The following RPS6KA2 variants were observed in gnomAD, a reference collection of about 807,000 sequenced individuals.
RPS6KA2 encodes the protein ribosomal protein S6 kinase A2.
In RPS6KA2, 42 loss-of-function variants were observed where a neutral mutation model predicts 91.8. That is an observed-to-expected ratio of 0.46 (90% confidence interval 0.36 to 0.59). RPS6KA2 has a LOEUF of 0.59. Among genes scored for constraint, RPS6KA2 ranks in the 20% least tolerant of loss-of-function variants. RPS6KA2 has a pLI of 0.00. For synonymous variants in RPS6KA2, 414 were observed against 393.6 expected (o/e 1.05, Z -0.61); for missense variants, 798 against 978.5 (o/e 0.82, Z 2.46).
At chr6:166,597,888 C>G (rs765657630) in intron 1 of RPS6KA2, among the ~76,000 whole-genome samples, 9 of 152,134 alleles carry the variant, frequency 5.9e-5, no homozygotes, top group African/African-American at 2.2e-4. Context: ...AGCCGGGCAC[C>G]GTGCTATTGT....
chr6:166,575,069 C>A (rs1784798599), intron 1 of RPS6KA2, among the ~76,000 whole-genome samples: 1 of 152,202 alleles, frequency 6.6e-6, no homozygotes, highest in African/African-American at 2.4e-5. Flanking sequence ...GCAGAAGAAA[C>A]TGACTGCCCC....
intron 5 of RPS6KA2, among the ~76,000 whole-genome samples, chr6:166,507,538 T>C (rs373226612): frequency 7.0e-6 from 1 of 143,506 alleles, no homozygotes; most frequent in African/African-American, 2.6e-5. Context: ...ACATACCACA[T>C]ATAGCACACA....
intron 1 of RPS6KA2, among the ~76,000 whole-genome samples, chr6:166,621,896 C>T (rs1321872392): frequency 6.6e-6 from 1 of 152,162 alleles, no homozygotes; most frequent in Non-Finnish European, 1.5e-5. Context: ...CAGCCAGCAG[C>T]CCTGGAAGCT....
At position 166,440,514 on chromosome 6, in the gene RPS6KA2, A is replaced by G. The variant is rs538321928; in HGVS notation, c.1333-8024T>C. 2.6e-5 allele frequency among the ~76,000 whole-genome samples: 4 copies of G among 152,364 alleles called. No individual in the cohort carries two copies. The South Asian group carries it at 8.3e-4, about 32-fold the overall frequency. ...GTGAAAATAAAATTTAAAAACTGTT[A>G]CTGGAGTTATTTCTAAACAGAACTA... On this transcript the variant is annotated intron_variant, in intron 14 of 20. Transcript: ENST00000265678.
At chr6:166,759,845 A>G (rs1778119226) in intron 2 of RPS6KA2, among the ~76,000 whole-genome samples, 1 of 152,254 alleles carries the variant, frequency 6.6e-6, no homozygotes, top group African/African-American at 2.4e-5. Flanking sequence ...CCCAGCGGTC[A>G]ACGCAGCGCC....
intron 16 of RPS6KA2, among the ~76,000 whole-genome samples, chr6:166,427,373 T>A (rs1778963110): frequency 2.0e-5 from 3 of 152,178 alleles, no homozygotes; most frequent in South Asian, 4.1e-4. Context: ...CTGGAAGCAT[T>A]CCCTTTGAAA....
intron 12 of RPS6KA2, 64 bp from the exon 13 acceptor site, chr6:166,451,297 AGTGTGT>A: frequency 6.4e-7 from 1 of 1,573,614 alleles, no homozygotes; most frequent in Non-Finnish European, 8.7e-7. Context: ...GTGAAGTGAT[AGTGTGT>A]GTGTGCATGT....
intron 2 of RPS6KA2, chr6:166,700,957 T>G (rs1229877989): frequency 2.0e-5 from 14 of 692,952 alleles, no homozygotes; most frequent in Non-Finnish European, 3.4e-5. Context: ...GTTCAAAAGT[T>G]GCCTGGTCCT....
chr6:166,557,279 G>A lies in RPS6KA2; in HGVS notation c.100-18495C>T, dbSNP rs3778404. Among the ~76,000 whole-genome samples, 6,157 of 152,282 alleles carry A rather than the reference G, an allele frequency of 0.04. 282 individuals carry two copies. The highest frequency in any genetic ancestry group is 0.26 in the East Asian group (1,333 of 5,182). On this transcript the variant is annotated intron_variant, in intron 1 of 20. Transcript: ENST00000265678. This position sits in a 1 kb window ranked among gnomAD's most constrained non-coding sequence, Gnocchi z 4.8. ...CTGCCGGGGTGAGGACCGTGGGCGC[G>A]GAGCATGCTTCCCAAGAACAGCCCG... is the stretch of plus-strand genomic sequence containing the variant.
intron 10 of RPS6KA2, among the ~76,000 whole-genome samples, chr6:166,474,384 T>C (rs1583181092): frequency 6.6e-6 from 1 of 152,202 alleles, no homozygotes; most frequent in Admixed American, 6.5e-5. Flanking sequence ...CTGGCTTAGG[T>C]GATGGGCGTT....
intron 2 of RPS6KA2, among the ~76,000 whole-genome samples, chr6:166,782,447 G>A (rs947118404): frequency 1.3e-5 from 2 of 152,126 alleles, no homozygotes; most frequent in African/African-American, 4.8e-5. Context: ...ATGGAGACTC[G>A]GGTATAGGAG....
At chr6:166,461,853 ACCCCTG>A (rs201838194) in intron 11 of RPS6KA2, among the ~76,000 whole-genome samples, 2,171 of 151,444 alleles carry the variant, frequency 0.014, 51 homozygotes, top group African/African-American at 0.05. Flanking sequence ...CATCTTGCCC[ACCCCTG>A]CCCCTGCCCC....
chr6:166,553,309 G>C (rs1424670384), intron 1 of RPS6KA2, among the ~76,000 whole-genome samples: 2 of 152,066 alleles, frequency 1.3e-5, no homozygotes, highest in East Asian at 3.9e-4. Flanking sequence ...TTTTTGTAGA[G>C]ATGGTGGTCT....
intron 2 of RPS6KA2, among the ~76,000 whole-genome samples, chr6:166,798,745 C>G (rs950707481): frequency 6.6e-6 from 1 of 152,238 alleles, no homozygotes; most frequent in Non-Finnish European, 1.5e-5. Flanking sequence ...CAATCCCTTT[C>G]CCAGACCCCT....
At chr6:166,685,250 C>G (rs1788975633) in intron 2 of RPS6KA2, among the ~76,000 whole-genome samples, 1 of 149,748 alleles carries the variant, frequency 6.7e-6, no homozygotes, top group Non-Finnish European at 1.5e-5. Flanking sequence ...AGGACAGAGG[C>G]CGAGGAAAGC....
chr6:166,551,412 A>T (rs1259768415), intron 1 of RPS6KA2, among the ~76,000 whole-genome samples: 1 of 152,222 alleles, frequency 6.6e-6, no homozygotes, highest in African/African-American at 2.4e-5. Flanking sequence ...TTCAGAAGAC[A>T]TGTGGCATGT....
intron 2 of RPS6KA2, among the ~76,000 whole-genome samples, chr6:166,843,102 T>C (rs1780526047): frequency 6.6e-6 from 1 of 152,086 alleles, no homozygotes; most frequent in Non-Finnish European, 1.5e-5. Flanking sequence ...GGGTGAGGCC[T>C]GTGACCGCCG....
chr6:166,715,578 A>G (rs543165340), intron 2 of RPS6KA2, among the ~76,000 whole-genome samples: 2 of 152,378 alleles, frequency 1.3e-5, no homozygotes, highest in Admixed American at 1.3e-4. Flanking sequence ...ATACGTTCTG[A>G]GAAAGGCGTC....
At position 166,730,113 on chromosome 6, in the gene RPS6KA2, T is replaced by C. The variant is rs145192214; in HGVS notation, c.123+128087A>G. ...ATTCTCACATGCATGTAACTTTCTATATTGCTTTTGAAGTCTTTGATCATC... is the reference window on the plus strand; with the variant it reads ...ATTCTCACATGCATGTAACTTTCTACATTGCTTTTGAAGTCTTTGATCATC... On this transcript the variant is annotated intron_variant, in intron 2 of 21. Coordinates refer to the RPS6KA2 transcript ENST00000503859. Among the ~76,000 whole-genome samples the C allele has an allele frequency of 8.0e-3, 1,222 of 152,354 alleles. 17 individuals are homozygous for C. The highest frequency in any genetic ancestry group is 0.028 in the African/African-American group (1,159 of 41,582).
Sources: allele counts gnomAD v4.1 joint callset (sites outside exome capture counted in the v4.1 genomes callset), GRCh38; gene constraint gnomAD v4.1.1; non-coding constraint Gnocchi (gnomAD v3.1); transcripts MANE v1.5; gene names NCBI Gene and HGNC (gene_info 2026-07-23, HGNC 2026-07-21).